The following SHB variants were observed in gnomAD, a reference collection of about 807,000 sequenced individuals.
SHB encodes SH2 domain containing adaptor protein B, also known as SH2 domain-containing adapter protein B.
SHB carries 20 observed loss-of-function variants against 52.3 expected under a neutral mutation model. The ratio of observed to expected loss-of-function variants is 0.38; its 90% CI spans 0.27 to 0.56. SHB has a LOEUF of 0.56. SHB is among the 20% of genes least tolerant of loss of function. SHB has a pLI of 0.71. For synonymous variants in SHB, 397 were observed against 316.5 expected, an observed-to-expected ratio of 1.25 and a Z score of -2.70; for missense variants, 825 against 723.3, an observed-to-expected ratio of 1.14 and a Z score of -1.61.
chr9:37,946,180 G>T (rs1832489304), intron 5 of SHB, among the ~76,000 whole-genome samples: 1 of 152,254 alleles, frequency 6.6e-6, no homozygotes, highest in Admixed American at 6.5e-5. Flanking sequence ...AGTGCAGGAG[G>T]CCAGGCACGA....
chr9:38,018,207 C>T (rs1428442297), intron 1 of SHB, among the ~76,000 whole-genome samples: 1 of 152,142 alleles, frequency 6.6e-6, no homozygotes, highest in East Asian at 1.9e-4. Context: ...ATCTAGAAAT[C>T]GCCATTCCAG....
chr9:37,932,735 A>G (rs1832328022), intron 5 of SHB, among the ~76,000 whole-genome samples: 1 of 152,124 alleles, frequency 6.6e-6, no homozygotes, highest in South Asian at 2.1e-4. Context: ...TGCCTCAGCC[A>G]CCCAAGGAGC....
chr9:37,999,233 T>A (rs371755226), intron 2 of SHB, among the ~76,000 whole-genome samples: 27 of 152,170 alleles, frequency 1.8e-4, no homozygotes, highest in African/African-American at 6.5e-4. Context: ...GGGAAACTCA[T>A]CAGGGGACAG....
chr9:37,990,059 G>T lies in SHB; in HGVS notation c.839-15222C>A, dbSNP rs193215043. Among the ~76,000 whole-genome samples, 325 of 152,322 alleles carry T rather than the reference G, an allele frequency of 2.1e-3. 3 individuals carry two copies. The highest frequency in any genetic ancestry group is 1.2e-3 in the East Asian group (6 of 5,190). On this transcript the variant is annotated intron_variant, in intron 2 of 5. Coordinates refer to ENST00000377707, the MANE Select transcript of SHB (RefSeq NM_003028.3). Reference sequence around the variant, plus strand: ...AGCCGTCCTTAAGAGGTTCCAGACTGTGTGAAAGATGTCATCAACTTCCAG... The same window carrying T: ...AGCCGTCCTTAAGAGGTTCCAGACTTTGTGAAAGATGTCATCAACTTCCAG...
intron 2 of SHB, among the ~76,000 whole-genome samples, chr9:38,011,797 A>G (rs1467692882): frequency 6.6e-6 from 1 of 152,184 alleles, no homozygotes; most frequent in African/African-American, 2.4e-5. Context: ...TTTGAGCCTC[A>G]GTTTCCCTAT....
At chr9:37,928,594 C>T (rs1832276933) in intron 5 of SHB, among the ~76,000 whole-genome samples, 2 of 152,260 alleles carry the variant, frequency 1.3e-5, no homozygotes, top group Non-Finnish European at 2.9e-5. Context: ...CCCAGCTTCC[C>T]ACAGTGCCTA....
intron 1 of SHB, among the ~76,000 whole-genome samples, chr9:38,058,391 C>G (rs562683868): frequency 6.6e-6 from 1 of 152,236 alleles, no homozygotes; most frequent in African/African-American, 2.4e-5. Flanking sequence ...GGGGCCAAAA[C>G]CCTGCAGCCA....
At chr9:38,016,327 T>C (rs897595246) in intron 1 of SHB, among the ~76,000 whole-genome samples, 196 bp from the exon 2 acceptor site, 4 of 152,174 alleles carry the variant, frequency 2.6e-5, no homozygotes, top group South Asian at 2.1e-4. Flanking sequence ...AGGGCTCCAC[T>C]GCGATGAAGA....
chr9:38,048,999 C>T (rs7030560), intron 1 of SHB, among the ~76,000 whole-genome samples: 1 of 152,076 alleles, frequency 6.6e-6, no homozygotes, highest in African/African-American at 2.4e-5. Flanking sequence ...CTTCTCAGCT[C>T]ATCTCAAGAC....
chr9:38,038,838 C>A (rs534929550), intron 1 of SHB, among the ~76,000 whole-genome samples: 10 of 152,108 alleles, frequency 6.6e-5, no homozygotes, highest in Non-Finnish European at 2.9e-5. Flanking sequence ...CAGGGGCCAC[C>A]CCCCAGGGAG....
chr9:37,972,628 C>T (rs1335287376), intron 3 of SHB, among the ~76,000 whole-genome samples: 6 of 152,152 alleles, frequency 3.9e-5, no homozygotes, highest in Non-Finnish European at 7.4e-5. Flanking sequence ...GGCTGTGTAC[C>T]AGGGAGGGCT....
intron 1 of SHB, among the ~76,000 whole-genome samples, chr9:38,054,574 G>A (rs1328812695): frequency 6.6e-6 from 1 of 152,196 alleles, no homozygotes; most frequent in Non-Finnish European, 1.5e-5. Context: ...TGACATCAAA[G>A]GGTCCTTGCC....
Position 37,999,279 on chromosome 9 carries a change from C to T in SHB, c.838+16732G>A, listed in dbSNP as rs138973054. On this transcript the variant is annotated intron_variant, in intron 2 of 5. Transcript: ENST00000377707. ...TCTGTGAAAGGCTGAGACTAGCAGG[C>T]GAGCTGATCTCACTCTGTTCTCAAA... is the stretch of plus-strand genomic sequence containing the variant. Among the ~76,000 whole-genome samples, 21 of 152,206 alleles carry T rather than the reference C, an allele frequency of 1.4e-4. No individual in the cohort carries two copies. The East Asian group carries it at 3.9e-3, about 28-fold the overall frequency.
Position 38,025,355 on chromosome 9 carries a change from T to C in SHB, c.718-9224A>G, listed in dbSNP as rs536988949. Among the ~76,000 whole-genome samples, 18 of 152,142 alleles carry C rather than the reference T, an allele frequency of 1.2e-4. No homozygotes were observed. The South Asian group carries it at 3.7e-3, about 31-fold the overall frequency. ...CTCTGTCCACCTTGCCAGACAGCCC[T>C]TCCTCTCAGGCTTCCTGCTCTAGGG... On this transcript the variant is annotated intron_variant, in intron 1 of 5. Coordinates refer to ENST00000377707, the MANE Select transcript of SHB (RefSeq NM_003028.3).
chr9:37,948,535 C>T, intron 5 of SHB, 100 bp downstream of exon 5: 1 of 1,455,216 alleles, frequency 6.9e-7, no homozygotes, highest in Admixed American at 1.7e-5. Context: ...TGGCAAGTTT[C>T]CCAGGGGACA....
In SHB at chr9:38,050,864, AAAAG is replaced by A. The variant is rs1254715930; in HGVS notation, c.717+17061_717+17064del. Among the ~76,000 whole-genome samples the A allele has an allele frequency of 7.2e-5, 11 of 152,248 alleles. No homozygotes were observed. In the East Asian group the frequency reaches 2.1e-3, roughly 29 times the overall value. ...CAAAAAGGCCAGGCAGATACAAAAA[AAAAG>A]AGAGATTTCTAATTTGGGGGTGATG... is the stretch of plus-strand genomic sequence containing the variant. On this transcript the variant is annotated intron_variant, in intron 1 of 5. Transcript: ENST00000377707.
chr9:38,058,851 C>A (rs1207515336), intron 1 of SHB, among the ~76,000 whole-genome samples: 3 of 152,168 alleles, frequency 2.0e-5, no homozygotes, highest in Admixed American at 1.3e-4. Flanking sequence ...CGGGGTGGTT[C>A]ATGCCATCAC....
chr9:37,971,874 T>C (rs1372541372), intron 3 of SHB, among the ~76,000 whole-genome samples: 1 of 152,256 alleles, frequency 6.6e-6, no homozygotes, highest in African/African-American at 2.4e-5. Context: ...GGGCAAGTTC[T>C]GGCCTGAGAG....
chr9:38,048,060 A>G (rs1266108594), intron 1 of SHB, among the ~76,000 whole-genome samples: 1 of 152,266 alleles, frequency 6.6e-6, no homozygotes, highest in Non-Finnish European at 1.5e-5. Context: ...AGATGGCCCC[A>G]GCAAAAACTC....
Sources: allele counts gnomAD v4.1 joint callset (sites outside exome capture counted in the v4.1 genomes callset), GRCh38; gene constraint gnomAD v4.1.1; transcripts MANE v1.5; gene names NCBI Gene and HGNC (gene_info 2026-07-23, HGNC 2026-07-21).